DNAAF11: variants seen among roughly 807,000 people sequenced by gnomAD.
DNAAF11 encodes the protein leucine rich repeat containing 6.
Under a neutral mutation model 60.8 loss-of-function variants are expected in DNAAF11, and 45 were observed. The observed-to-expected ratio is 0.74, with a 90% CI of 0.58 to 0.95. The LOEUF is 0.95. Ranked by LOEUF, DNAAF11 falls within the 40% of genes least tolerant of loss-of-function variation. DNAAF11 has a pLI of 0.00. For missense variants in DNAAF11, 546 were observed against 546.2 expected (o/e 1.00, Z 0.00); for synonymous variants, 191 against 183.5 (o/e 1.04, Z -0.33).
chr8:132,637,140 C>A (rs1327931905), intron 4 of DNAAF11, among the ~76,000 whole-genome samples: 1 of 152,160 alleles, frequency 6.6e-6, no homozygotes, highest in Non-Finnish European at 1.5e-5. Context: ...ATAAGAGTAA[C>A]ATACGCAGTA....
chr8:132,696,926 A>T, the DNAAF11 span, among the ~76,000 whole-genome samples: 6 of 152,172 alleles, frequency 3.9e-5, no homozygotes, highest in African/African-American at 1.4e-4. Context: ...AGCAGAAAAA[A>T]TAACTGTTGG....
chr8:132,610,833 TA>T (rs1161973938), intron 9 of DNAAF11, among the ~76,000 whole-genome samples: 1 of 152,298 alleles, frequency 6.6e-6, no homozygotes, highest in Non-Finnish European at 1.5e-5. Flanking sequence ...AACCATGTGC[TA>T]AAAAATAGCA....
chr8:132,678,982 C>CTCTAAGATA (rs1825827094), upstream of DNAAF11, among the ~76,000 whole-genome samples: 2 of 152,042 alleles, frequency 1.3e-5, no homozygotes, highest in Non-Finnish European at 2.9e-5. Context: ...GGAGAAAAAT[C>CTCTAAGATA]TCTAAGATAC....
At chr8:132,691,157 C>T in the DNAAF11 span, among the ~76,000 whole-genome samples, 17,026 of 152,066 alleles carry the variant, frequency 0.11, 1,076 homozygotes, top group East Asian at 0.23. Context: ...TTATTCTTCT[C>T]CATTAACTTA....
At chr8:132,690,878 T>C in the DNAAF11 span, among the ~76,000 whole-genome samples, 2 of 152,312 alleles carry the variant, frequency 1.3e-5, no homozygotes, top group East Asian at 3.9e-4. Context: ...AGAGATAAAG[T>C]GCCATTTTCA....
chr8:132,596,460 T>C (rs1262240995), intron 10 of DNAAF11, among the ~76,000 whole-genome samples: 2 of 152,172 alleles, frequency 1.3e-5, no homozygotes, highest in African/African-American at 4.8e-5. Flanking sequence ...AAATATTTTA[T>C]TAAGTTAGGA....
At chr8:132,602,306 G>C (rs140644252) in intron 10 of DNAAF11, among the ~76,000 whole-genome samples, 1 of 151,968 alleles carries the variant, frequency 6.6e-6, no homozygotes, top group African/African-American at 2.4e-5. Flanking sequence ...CCACAACAGG[G>C]AGCAGCCATC....
At chr8:132,637,718 T>A (rs948498314) in intron 4 of DNAAF11, among the ~76,000 whole-genome samples, 20 of 152,308 alleles carry the variant, frequency 1.3e-4, no homozygotes, top group Admixed American at 1.0e-3. Flanking sequence ...GTGTTTTGGA[T>A]GAGAAAGGTG....
intron 10 of DNAAF11, among the ~76,000 whole-genome samples, chr8:132,606,132 T>C (rs560808897): frequency 1.9e-4 from 29 of 152,202 alleles, no homozygotes; most frequent in Non-Finnish European, 3.8e-4. Flanking sequence ...ATTACTTGCA[T>C]GTTTGTGGTG....
rs1814269845 is a variant in DNAAF11 at position 132,572,274 on chromosome 8, G to C, written c.*32C>G. ...ACACCAACCAAAACTGGACCTGGTG[G>C]GTCTCAGCCAATGGCAACGCAGCCA... On this transcript the variant is annotated 3_prime_UTR_variant, in exon 12 of 12. Coordinates refer to ENST00000620350, the MANE Select transcript of DNAAF11 (RefSeq NM_012472.6). 6.3e-7 allele frequency: 1 copy of C among 1,596,394 alleles called. No homozygotes were observed. Among genetic ancestry groups the C allele is most frequent in the East Asian group, 2.2e-5 (1 of 44,692 alleles).
intron 7 of DNAAF11, among the ~76,000 whole-genome samples, chr8:132,617,724 G>A (rs1007351308): frequency 6.6e-6 from 1 of 151,920 alleles, no homozygotes; most frequent in Non-Finnish European, 1.5e-5. Flanking sequence ...AAATACCTAG[G>A]AATCCAACTT....
At chr8:132,701,393 A>G in the DNAAF11 span, among the ~76,000 whole-genome samples, 2 of 152,142 alleles carry the variant, frequency 1.3e-5, no homozygotes, top group African/African-American at 4.8e-5. Flanking sequence ...AGTCATGAGG[A>G]AAGATGGACA....
At chr8:132,639,279 A>C (rs955424835) in intron 3 of DNAAF11, among the ~76,000 whole-genome samples, 1 of 152,130 alleles carries the variant, frequency 6.6e-6, no homozygotes, top group Non-Finnish European at 1.5e-5. Flanking sequence ...ATATAAGATT[A>C]TCTCTCCCTA....
the DNAAF11 span, among the ~76,000 whole-genome samples, chr8:132,687,810 T>C: frequency 6.6e-6 from 1 of 152,172 alleles, no homozygotes; most frequent in Non-Finnish European, 1.5e-5. Flanking sequence ...CTGCATTAAC[T>C]GTATGGTAAT....
At chr8:132,649,615 C>T (rs1052152005) in intron 3 of DNAAF11, among the ~76,000 whole-genome samples, 1 of 152,012 alleles carries the variant, frequency 6.6e-6, no homozygotes, top group Non-Finnish European at 1.5e-5. Flanking sequence ...TACAATCTAC[C>T]CATCTGACAA....
chr8:132,625,388 T>C lies in DNAAF11; in HGVS notation c.720A>G (p.Leu240=). 1.2e-6 allele frequency: 2 copies of C among 1,613,712 alleles called. No homozygotes were observed. Among genetic ancestry groups the C allele is most frequent in the Non-Finnish European group, 1.7e-6 (2 of 1,179,730 alleles). Residue 240 remains leucine, a synonymous_variant, in exon 6 of 12, where the codon TTA becomes TTG. Transcript: ENST00000620350. ...PDTEEHNTKK[L]DNSEDDLEFW... ...ATTCCAAGTCATCTTCACTGTTGTC[T>C]AATTTCTTTGTGTTGTGTTCCTCTG... is the stretch of plus-strand genomic sequence containing the variant.
chr8:132,650,214 T>C (rs1021473308), intron 3 of DNAAF11, among the ~76,000 whole-genome samples: 1 of 152,218 alleles, frequency 6.6e-6, no homozygotes, highest in African/African-American at 2.4e-5. Flanking sequence ...TCATGTCTTT[T>C]GTAGGGACAT....
intron 1 of DNAAF11, among the ~76,000 whole-genome samples, chr8:132,672,855 T>C (rs1825319554): frequency 6.6e-6 from 1 of 152,208 alleles, no homozygotes; most frequent in South Asian, 2.1e-4. Flanking sequence ...ACTGACGGGA[T>C]GTGACACTGG....
At chr8:132,687,559 G>A in the DNAAF11 span, 83 of 455,404 alleles carry the variant, frequency 1.8e-4, no homozygotes, top group South Asian at 1.1e-3. Context: ...ATCAGAAGGC[G>A]GACCCACACC....
Sources: gnomAD v4.1 joint callset for allele counts (sites outside exome capture counted in the v4.1 genomes callset) on GRCh38, gnomAD v4.1.1 for gene constraint, MANE v1.5 for transcripts, NCBI Gene and HGNC (gene_info 2026-07-23, HGNC 2026-07-21) for gene names.